The following DMD variants were observed in gnomAD, a reference collection of about 807,000 sequenced individuals.
DMD encodes the protein dystrophin.
In DMD, 63 loss-of-function variants were observed where a neutral mutation model predicts 330.1. The ratio of observed to expected loss-of-function variants is 0.19; its 90% CI spans 0.16 to 0.24. The LOEUF (loss-of-function observed/expected upper bound fraction) is 0.24. Among genes scored for constraint, DMD ranks in the 10% least tolerant of loss-of-function variants. The pLI is 1.00. For synonymous variants in DMD, 1,223 were observed against 959.8 expected, an observed-to-expected ratio of 1.27 and a Z score of -5.07; for missense variants, 3,344 against 2,684.1, an observed-to-expected ratio of 1.25 and a Z score of -5.43.
intron 30 of DMD, among the ~76,000 whole-genome samples, chrX:32,404,603 A>G (rs1340957826): frequency 8.9e-6 from 1 of 111,851 alleles, no homozygotes; most frequent in Non-Finnish European, 1.9e-5. Context: ...TCAACACATA[A>G]GGACATGGTG....
intron 22 of DMD, 115 bp downstream of exon 22, chrX:32,472,049 G>T: frequency 1.1e-6 from 1 of 945,365 alleles, no homozygotes; most frequent in Non-Finnish European, 1.5e-6. Flanking sequence ...TTGCTCAATG[G>T]GCAAACTACC....
chrX:32,219,714 C>A (rs182897430), intron 43 of DMD, among the ~76,000 whole-genome samples: 34 of 111,095 alleles, frequency 3.1e-4, no homozygotes, highest in African/African-American at 9.5e-4. Context: ...CCTACCCAAT[C>A]ACTTGAACTA....
chrX:32,155,060 G>A (rs76185936), intron 44 of DMD, among the ~76,000 whole-genome samples: 1 of 95,564 alleles, frequency 1.0e-5, no homozygotes, highest in Admixed American at 1.1e-4. Context: ...CCCTTGCTGT[G>A]TTTTTTTTTT....
At chrX:31,381,753 A>T (rs1377667142) in intron 60 of DMD, among the ~76,000 whole-genome samples, 2 of 111,963 alleles carry the variant, frequency 1.8e-5, no homozygotes. Context: ...ATGCTATAGT[A>T]CAAGCCACTA....
chrX:32,360,526 G>A (rs959881090), intron 37 of DMD, among the ~76,000 whole-genome samples: 5 of 111,045 alleles, frequency 4.5e-5, no homozygotes, highest in African/African-American at 9.8e-5. Context: ...AGTGGTTCAC[G>A]CTTGTAATCC....
intron 7 of DMD, among the ~76,000 whole-genome samples, chrX:32,778,022 T>G (rs1452098776): frequency 8.9e-6 from 1 of 111,778 alleles, no homozygotes; most frequent in Non-Finnish European, 1.9e-5. Context: ...TGAATATTAC[T>G]GGAAAAGAGA....
At chrX:32,441,651 C>A (rs1187544492) in intron 27 of DMD, among the ~76,000 whole-genome samples, 1 of 111,642 alleles carries the variant, frequency 9.0e-6, no homozygotes, top group African/African-American at 3.2e-5. Context: ...CTCCCTCACA[C>A]ATCACTGTTA....
chrX:31,733,065 A>C (rs187648416), intron 51 of DMD, among the ~76,000 whole-genome samples: 138 of 111,274 alleles, frequency 1.2e-3, no homozygotes, highest in African/African-American at 4.3e-3. Context: ...ACTGGGCTTT[A>C]CTAAAAACTG....
chrX:32,737,217 G>A (rs956065896), intron 7 of DMD, among the ~76,000 whole-genome samples: 1 of 110,285 alleles, frequency 9.1e-6, no homozygotes, highest in Non-Finnish European at 1.9e-5. Context: ...GCTTCAAGAC[G>A]TGAAGTGTGA....
intron 71 of DMD, 128 bp from the exon 72 acceptor site, chrX:31,173,732 T>C: frequency 2.1e-6 from 1 of 474,626 alleles, no homozygotes; most frequent in Admixed American, 3.7e-5. Flanking sequence ...TGTATACATT[T>C]AGTTGCTCCT....
chrX:32,652,059 G>A (rs746864151), intron 9 of DMD, among the ~76,000 whole-genome samples: 8 of 111,514 alleles, frequency 7.2e-5, no homozygotes, highest in East Asian at 5.7e-4. Context: ...GGTATCATAC[G>A]TACACATATG....
At chrX:32,744,764 C>T (rs1049868975) in intron 7 of DMD, among the ~76,000 whole-genome samples, 2 of 111,726 alleles carry the variant, frequency 1.8e-5, no homozygotes, top group Non-Finnish European at 3.8e-5. Context: ...TTTGTCAATA[C>T]TCTAGGTTCA....
chrX:33,192,690 T>C (rs1169238563), intron 1 of DMD, among the ~76,000 whole-genome samples: 2 of 112,147 alleles, frequency 1.8e-5, no homozygotes, highest in African/African-American at 6.5e-5. Flanking sequence ...CTGGTTTATA[T>C]AGCAATGATC....
intron 67 of DMD, 146 bp downstream of exon 67, chrX:31,203,815 T>G (rs1191247725): frequency 7.8e-6 from 4 of 511,716 alleles, no homozygotes; most frequent in Non-Finnish European, 1.3e-5. Context: ...CAGAAGCTGC[T>G]TACTTACAGA....
intron 15 of DMD, among the ~76,000 whole-genome samples, chrX:32,571,848 C>T (rs763059969): frequency 1.3e-4 from 14 of 110,240 alleles, no homozygotes; most frequent in Non-Finnish European, 2.3e-4. Context: ...TTTCATTCAT[C>T]ACATCTTAAC....
rs1603633482 is a variant in DMD at position 32,438,145 on chromosome X, T to A, written c.4071+96A>T. On this transcript the variant is annotated intron_variant, in intron 29 of 78. Coordinates refer to ENST00000357033, the MANE Select transcript of DMD (RefSeq NM_004006.3). ...TGTCTCTGAAACCTGAAAGCTGAGC[T>A]AATATTTAAACTATTGCTCATTTTA... The A allele has an allele frequency of 2.4e-5, 23 of 942,786 alleles. No individual in the cohort carries two copies. In the East Asian group the frequency reaches 7.3e-4, roughly 30 times the overall value. 77.7% of individuals were successfully genotyped at this position (942,786 alleles called of 1,213,427 possible).
In DMD at chrX:32,970,028, T is replaced by C. The variant is rs755180503; in HGVS notation, c.93+50111A>G. 4.2e-4 allele frequency among the ~76,000 whole-genome samples: 40 copies of C among 95,030 alleles called. 2 individuals are homozygous for C. Among genetic ancestry groups the C allele is most frequent in the Non-Finnish European group, 6.7e-4 (33 of 49,573 alleles). 82.5% of individuals were successfully genotyped at this position (95,030 alleles called of 115,157 possible). ...AATTAATCTCAAGAGTCTGGGCTTG[T>C]GTTACTCCATAGTCAATGATGGCGA... is the stretch of plus-strand genomic sequence containing the variant. On this transcript the variant is annotated intron_variant, in intron 2 of 78. Transcript: ENST00000357033.
intron 47 of DMD, among the ~76,000 whole-genome samples, chrX:31,926,358 C>A (rs2094775644): frequency 9.0e-6 from 1 of 111,633 alleles, no homozygotes; most frequent in Admixed American, 9.6e-5. Context: ...TCTTCACCTG[C>A]TGTTTTCTCT....
intron 7 of DMD, among the ~76,000 whole-genome samples, chrX:32,748,292 C>A (rs1433606444): frequency 9.8e-6 from 1 of 101,658 alleles, no homozygotes; most frequent in Admixed American, 1.1e-4. Context: ...AGCAGTGAGC[C>A]AAGATCATGC....
Sources: allele counts gnomAD v4.1 joint callset (sites outside exome capture counted in the v4.1 genomes callset), GRCh38; gene constraint gnomAD v4.1.1; transcripts MANE v1.5; gene names NCBI Gene and HGNC (gene_info 2026-07-23, HGNC 2026-07-21).